CMPK1: variants seen among roughly 807,000 people sequenced by gnomAD.
The protein encoded by CMPK1 is UMP-CMP kinase.
Under a neutral mutation model 25.7 loss-of-function variants are expected in CMPK1, and 10 were observed. The observed-to-expected ratio is 0.39, with a 90% CI of 0.24 to 0.66. The LOEUF (loss-of-function observed/expected upper bound fraction) is 0.66. Ranked by LOEUF, CMPK1 falls within the 30% of genes least tolerant of loss-of-function variation. The pLI is 0.48. For synonymous variants in CMPK1, 106 were observed against 101.5 expected, an observed-to-expected ratio of 1.04 and a Z score of -0.27; for missense variants, 199 against 280.5, an observed-to-expected ratio of 0.71 and a Z score of 2.08.
chr1:47,372,301 C>T (rs928180307), intron 2 of CMPK1, among the ~76,000 whole-genome samples: 9 of 152,048 alleles, frequency 5.9e-5, no homozygotes, highest in South Asian at 2.1e-4. Context: ...CCATCTTGGC[C>T]GGGCTGGTTC....
chr1:47,343,286 C>T (rs187447704), intron 1 of CMPK1, among the ~76,000 whole-genome samples: 2 of 151,760 alleles, frequency 1.3e-5, no homozygotes, highest in Non-Finnish European at 2.9e-5. Flanking sequence ...AATGCCCGGC[C>T]CTCTGTGTAT....
intron 2 of CMPK1, among the ~76,000 whole-genome samples, chr1:47,370,720 C>T (rs918218331): frequency 7.0e-6 from 1 of 143,284 alleles, no homozygotes; most frequent in African/African-American, 2.6e-5. Flanking sequence ...GGGTGAATTA[C>T]GAGGTCAGGA....
chr1:47,373,647 T>G (rs1171875071), intron 3 of CMPK1, among the ~76,000 whole-genome samples: 2 of 152,044 alleles, frequency 1.3e-5, no homozygotes, highest in African/African-American at 2.4e-5. Flanking sequence ...AATACAAAAA[T>G]TAGCCTGGCA....
chr1:47,372,319 G>C (rs2820984), intron 2 of CMPK1, among the ~76,000 whole-genome samples: 145,047 of 152,242 alleles, frequency 0.95, 69,455 homozygotes, highest in East Asian at 1. Context: ...TTCTTTTGTT[G>C]CCTTTGTTTT....
intron 2 of CMPK1, among the ~76,000 whole-genome samples, chr1:47,371,351 C>G (rs1646676952): frequency 6.6e-6 from 1 of 152,174 alleles, no homozygotes; most frequent in Non-Finnish European, 1.5e-5. Context: ...ATGGTTTTTA[C>G]TTTTTCACTC....
At chr1:47,355,411 A>C (rs183133072) in intron 1 of CMPK1, among the ~76,000 whole-genome samples, 248 of 134,898 alleles carry the variant, frequency 1.8e-3, no homozygotes, top group African/African-American at 6.7e-3. Context: ...CAGTGATGTG[A>C]TCTCTGCTCA....
chr1:47,340,254 A>AT (rs1013646101), intron 1 of CMPK1, among the ~76,000 whole-genome samples: 2 of 148,942 alleles, frequency 1.3e-5, no homozygotes, highest in East Asian at 2.0e-4. Context: ...TGCCCAGCTA[A>AT]TTTTTTTTAT....
At chr1:47,365,531 G>A (rs751593906) in intron 1 of CMPK1, among the ~76,000 whole-genome samples, 5 of 151,706 alleles carry the variant, frequency 3.3e-5, no homozygotes, top group African/African-American at 4.8e-5. Flanking sequence ...CTACTCGGGA[G>A]GCTGAGGTGG....
intron 1 of CMPK1, among the ~76,000 whole-genome samples, chr1:47,342,649 CTTT>C (rs11334963): frequency 1.0e-4 from 12 of 116,406 alleles, no homozygotes; most frequent in Non-Finnish European, 1.2e-4. Context: ...TCTCTTTTTT[CTTT>C]TTTTTTTTTT....
In CMPK1 at chr1:47,334,092, G is replaced by A. The variant is rs752989147; in HGVS notation, c.147G>A (p.Gly49=). ...TCGGCGGCCCCGGCGCCGGCAAGGG[G>A]ACCCAGTGCGCCCGCATCGTCGAGG... ...FVLGGPGAGK[G]TQCARIVEKY... is the part of the protein sequence containing the mutation. The change falls in exon 1 of 6, where the codon GGG becomes GGA. Residue 49 remains glycine (G), a synonymous_variant. Transcript: ENST00000371873. 2 of 1,526,436 alleles carry A rather than the reference G, an allele frequency of 1.3e-6. No homozygotes were observed. The highest frequency in any genetic ancestry group is 2.0e-5 in the Admixed American group (1 of 49,508). 94.6% of individuals were successfully genotyped at this position (1,526,436 alleles called of 1,614,324 possible). A position where few individuals can be genotyped will look rare whatever the true frequency, so the allele number is the denominator to read the frequency against.
intron 1 of CMPK1, chr1:47,358,980 G>A: frequency 2.1e-6 from 2 of 972,928 alleles, no homozygotes; most frequent in Non-Finnish European, 2.4e-6. Context: ...AATTCCTTAG[G>A]CAAATGATAT....
intron 1 of CMPK1, among the ~76,000 whole-genome samples, chr1:47,353,247 G>A (rs1222968677): frequency 6.6e-6 from 1 of 152,146 alleles, no homozygotes; most frequent in East Asian, 1.9e-4. Context: ...ATTGAAATAT[G>A]TTTCCTTTTA....
intron 2 of CMPK1, among the ~76,000 whole-genome samples, chr1:47,369,906 TCTC>T (rs1356775156): frequency 1.1e-5 from 1 of 92,072 alleles, no homozygotes; most frequent in Non-Finnish European, 2.3e-5. Flanking sequence ...CTTCTTTCTC[TCTC>T]TTTTTTTTTT....
chr1:47,334,528 A>T (rs1646381841), intron 1 of CMPK1, among the ~76,000 whole-genome samples: 2 of 152,188 alleles, frequency 1.3e-5, no homozygotes, highest in Non-Finnish European at 2.9e-5. Flanking sequence ...GTGCGCCCAC[A>T]GTTGTCTGAA....
intron 2 of CMPK1, among the ~76,000 whole-genome samples, chr1:47,369,957 C>G (rs1486279803): frequency 6.9e-6 from 1 of 145,724 alleles, no homozygotes; most frequent in Non-Finnish European, 1.5e-5. Flanking sequence ...CTCTGTCGCC[C>G]AGGCTGGAGT....
At chr1:47,355,236 G>A (rs1283704473) in intron 1 of CMPK1, among the ~76,000 whole-genome samples, 1 of 151,916 alleles carries the variant, frequency 6.6e-6, no homozygotes, top group East Asian at 1.9e-4. Flanking sequence ...TGTGGAGACA[G>A]GGTTTCGCTA....
intron 1 of CMPK1, among the ~76,000 whole-genome samples, chr1:47,334,811 G>C (rs1646384515): frequency 6.6e-6 from 1 of 152,220 alleles, no homozygotes; most frequent in African/African-American, 2.4e-5. Flanking sequence ...ACTCACGCTC[G>C]GCCCTCGGTC....
intron 1 of CMPK1, among the ~76,000 whole-genome samples, chr1:47,343,525 A>G (rs76884333): frequency 1.3e-5 from 2 of 149,086 alleles, no homozygotes; most frequent in East Asian, 4.2e-4. Flanking sequence ...AAAAAGTCTC[A>G]AAAAAACCCA....
intron 3 of CMPK1, 121 bp downstream of exon 3, chr1:47,373,228 A>G (rs752206081): frequency 3.2e-4 from 287 of 905,448 alleles, no homozygotes; most frequent in Non-Finnish European, 4.3e-4. Context: ...GAATTGGTAG[A>G]TTGGATGGAC....
Sources: allele counts gnomAD v4.1 joint callset (sites outside exome capture counted in the v4.1 genomes callset), GRCh38; gene constraint gnomAD v4.1.1; transcripts MANE v1.5; gene names NCBI Gene and HGNC (gene_info 2026-07-23, HGNC 2026-07-21).